Variants in HIF1A observed in about 807,000 individuals in gnomAD.
HIF1A encodes the protein hypoxia-inducible factor 1-alpha.
HIF1A carries 24 observed loss-of-function variants against 92.7 expected under a neutral mutation model. The observed-to-expected ratio is 0.26, with a 90% CI of 0.19 to 0.36. The LOEUF is 0.36. HIF1A is among the 10% of genes least tolerant of loss of function. The pLI, the probability that HIF1A is intolerant of heterozygous loss-of-function variation, is 1.00. For missense variants in HIF1A, 799 were observed against 998.5 expected, an observed-to-expected ratio of 0.80 and a Z score of 2.69; for synonymous variants, 319 against 338.7, an observed-to-expected ratio of 0.94 and a Z score of 0.64.
intron 14 of HIF1A, 51 bp downstream of exon 14, chr14:61,745,868 A>C: frequency 1.4e-6 from 2 of 1,464,788 alleles, no homozygotes; most frequent in South Asian, 2.4e-5. Flanking sequence ...AATACATGAA[A>C]CATTTTTATT....
intron 4 of HIF1A, among the ~76,000 whole-genome samples, chr14:61,724,865 T>G (rs1191470517): frequency 1.3e-5 from 2 of 152,224 alleles, no homozygotes; most frequent in Admixed American, 6.5e-5. Flanking sequence ...AGTTACTGAT[T>G]GTGCTTTTTT....
chr14:61,745,520 CAGAAT>C (rs2044769784), intron 13 of HIF1A, 166 bp from the exon 14 acceptor site: 1 of 645,874 alleles, frequency 1.5e-6, no homozygotes, highest in African/African-American at 1.8e-5. Context: ...TATTTATAGA[CAGAAT>C]GGTCATAATG....
intron 12 of HIF1A, 34 bp downstream of exon 12, chr14:61,741,222 T>C (rs1375312883): frequency 1.4e-6 from 2 of 1,427,286 alleles, no homozygotes; most frequent in African/African-American, 1.4e-5. Flanking sequence ...TATAGTTCTT[T>C]TATTATTTTT....
chr14:61,701,820 T>C (rs1426187766), intron 1 of HIF1A, among the ~76,000 whole-genome samples: 1 of 151,912 alleles, frequency 6.6e-6, no homozygotes, highest in Admixed American at 6.6e-5. Context: ...AAACCCCATC[T>C]CTACTAAAAA....
intron 6 of HIF1A, among the ~76,000 whole-genome samples, chr14:61,728,688 C>T (rs1463095200): frequency 1.3e-5 from 2 of 152,164 alleles, no homozygotes; most frequent in Non-Finnish European, 2.9e-5. Context: ...TCCATTTCCT[C>T]CTTTCCATCC....
chr14:61,745,182 T>G (rs1410159980), intron 13 of HIF1A, among the ~76,000 whole-genome samples: 1 of 152,168 alleles, frequency 6.6e-6, no homozygotes, highest in Non-Finnish European at 1.5e-5. Flanking sequence ...CCCAGCACTT[T>G]GGGAGGCCAA....
chr14:61,731,363 A>T (rs1234719572), intron 6 of HIF1A, among the ~76,000 whole-genome samples: 6 of 152,218 alleles, frequency 3.9e-5, no homozygotes, highest in Admixed American at 3.9e-4. Context: ...TTGCCATTTC[A>T]TACTGCTTAC....
rs989725139 is a variant in HIF1A, at chr14:61,748,053, G to A, written c.*968G>A. 9 of 152,358 alleles carry A rather than the reference G, an allele frequency of 5.9e-5. No individual in the cohort carries two copies. Among genetic ancestry groups the A allele is most frequent in the Middle Eastern group, 3.4e-3 (1 of 294 alleles). 9.4% of individuals were successfully genotyped at this position (152,358 alleles called of 1,614,324 possible). A position where few individuals can be genotyped will look rare whatever the true frequency, so the allele number is the denominator to read the frequency against. ...AATGTTTGATTTTATGCACTTTGTC[G>A]CTATTAACATCCTTTTTTTCATGTA... On this transcript the variant is annotated 3_prime_UTR_variant, in exon 15 of 15. Coordinates refer to ENST00000337138, the MANE Select transcript of HIF1A (RefSeq NM_001530.4).
intron 1 of HIF1A, among the ~76,000 whole-genome samples, chr14:61,709,587 AG>A (rs1407566728): frequency 6.6e-6 from 1 of 152,186 alleles, no homozygotes; most frequent in Non-Finnish European, 1.5e-5. Context: ...TGGATATTTA[AG>A]AGAGATGTTG....
chr14:61,731,401 A>G (rs2044573849), intron 6 of HIF1A, among the ~76,000 whole-genome samples: 1 of 152,160 alleles, frequency 6.6e-6, no homozygotes, highest in African/African-American at 2.4e-5. Context: ...CTCTGTCTTA[A>G]ATAAAGGTCT....
chr14:61,719,123 G>C (rs575260153), intron 1 of HIF1A, among the ~76,000 whole-genome samples: 1 of 152,282 alleles, frequency 6.6e-6, no homozygotes, highest in South Asian at 2.1e-4. Flanking sequence ...GAGATTTGGG[G>C]TGGAGACAAT....
rs117037524 is a variant in HIF1A at position 61,695,540 on chromosome 14, G to A, written c.-265G>A. 5.3e-6 allele frequency: 3 copies of A among 569,288 alleles called. No homozygotes were observed. Among genetic ancestry groups the A allele is most frequent in the South Asian group, 2.1e-5 (1 of 47,356 alleles). 35.3% of individuals were successfully genotyped at this position (569,288 alleles called of 1,614,324 possible). The stretch of plus-strand genomic sequence containing the variant: ...TGCACAGTGCTGCCTCGTCTGAGGG[G>A]ACAGGAGGATCACCCTCTTCGTCGC... On this transcript the variant is annotated 5_prime_UTR_variant, in exon 1 of 15. Coordinates refer to ENST00000337138, the MANE Select transcript of HIF1A (RefSeq NM_001530.4).
chr14:61,727,378 C>T, intron 5 of HIF1A, 75 bp from the exon 6 acceptor site: 1 of 1,083,306 alleles, frequency 9.2e-7, no homozygotes, highest in Non-Finnish European at 1.4e-6. Context: ...ATGTCAGACT[C>T]AACTACTTAT....
chr14:61,736,503 G>C (rs1019828711), intron 8 of HIF1A, among the ~76,000 whole-genome samples: 1 of 152,090 alleles, frequency 6.6e-6, no homozygotes, highest in Non-Finnish European at 1.5e-5. Context: ...GTAGTCCTCA[G>C]TGTCTATTGA....
At chr14:61,737,959 A>G (rs2044658624) in intron 9 of HIF1A, 128 bp from the exon 10 acceptor site, 2 of 649,794 alleles carry the variant, frequency 3.1e-6, no homozygotes, top group Non-Finnish European at 5.0e-6. Flanking sequence ...CCTGGGAGGC[A>G]GAGGTTGCAG....
intron 1 of HIF1A, among the ~76,000 whole-genome samples, chr14:61,711,617 G>T (rs1038608655): frequency 2.6e-5 from 4 of 152,146 alleles, no homozygotes; most frequent in Admixed American, 2.6e-4. Flanking sequence ...TTGTTATACT[G>T]GTGGGTGATT....
chr14:61,744,786 T>A lies in HIF1A; in HGVS notation c.2175T>A (p.Asp725Glu), dbSNP rs1180255844. 6.3e-7 allele frequency: 1 copy of A among 1,587,256 alleles called. No homozygotes were observed. Among genetic ancestry groups the A allele is most frequent in the South Asian group, 1.1e-5 (1 of 89,528 alleles). Residue 725 changes from aspartate (D) to glutamate (E), a missense_variant, in exon 13 of 15, where the codon GAT becomes GAA. Coordinates refer to ENST00000337138, the MANE Select transcript of HIF1A (RefSeq NM_001530.4). ...NAQRKRKMEHDGSLFQAVGIG... is the reference protein window; with the variant it reads ...NAQRKRKMEHEGSLFQAVGIG... ...AGAGAAAGCGAAAAATGGAACATGATGGTTCACTTTTTCAAGCAGTAGGAA... is the reference window on the plus strand; with the variant it reads ...AGAGAAAGCGAAAAATGGAACATGAAGGTTCACTTTTTCAAGCAGTAGGAA...
rs1594851024 is a variant in HIF1A, at chr14:61,695,529, T to A, written c.-276T>A. 1 of 509,752 alleles carries A rather than the reference T, an allele frequency of 2.0e-6. No homozygotes were observed. Among genetic ancestry groups the A allele is most frequent in the Non-Finnish European group, 3.5e-6 (1 of 285,880 alleles). 31.6% of individuals were successfully genotyped at this position (509,752 alleles called of 1,614,324 possible). A position where few individuals can be genotyped will look rare whatever the true frequency, so the allele number is the denominator to read the frequency against. On this transcript the variant is annotated 5_prime_UTR_variant, in exon 1 of 15. Coordinates refer to ENST00000337138, the MANE Select transcript of HIF1A (RefSeq NM_001530.4). ...CAGCTCCTCAGTGCACAGTGCTGCC[T>A]CGTCTGAGGGGACAGGAGGATCACC...
At chr14:61,732,381 CCTTT>C (rs1481845347) in intron 6 of HIF1A, 33 bp from the exon 7 acceptor site, 2 of 1,382,490 alleles carry the variant, frequency 1.4e-6, no homozygotes, top group Admixed American at 1.7e-5. Context: ...TCAGTGTCTC[CCTTT>C]TTTTTCTTAA....
Sources: gnomAD v4.1 joint callset for allele counts (sites outside exome capture counted in the v4.1 genomes callset) on GRCh38, gnomAD v4.1.1 for gene constraint, MANE v1.5 for transcripts, NCBI Gene and HGNC (gene_info 2026-07-23, HGNC 2026-07-21) for gene names.